NPL: variants seen among roughly 807,000 people sequenced by gnomAD.
The protein encoded by NPL is N-acetylneuraminate lyase.
Under a neutral mutation model 41.1 loss-of-function variants are expected in NPL, and 32 were observed. The ratio of observed to expected loss-of-function variants is 0.78; its 90% CI spans 0.59 to 1.05. The LOEUF (loss-of-function observed/expected upper bound fraction) is 1.05. Among genes scored for constraint, NPL ranks in the 50% least tolerant of loss-of-function variants. The pLI is 0.00. For missense variants in NPL, 321 were observed against 378.4 expected, an observed-to-expected ratio of 0.85 and a Z score of 1.26; for synonymous variants, 128 against 134.9, an observed-to-expected ratio of 0.95 and a Z score of 0.35.
intron 3 of NPL, among the ~76,000 whole-genome samples, chr1:182,794,774 C>T (rs1451174799): frequency 6.6e-6 from 1 of 152,214 alleles, no homozygotes; most frequent in Non-Finnish European, 1.5e-5. Context: ...GGGCCAGTAG[C>T]ATTGGATGAG....
chr1:182,827,979 A>T (rs1287520670), intron 12 of NPL, among the ~76,000 whole-genome samples: 1 of 152,208 alleles, frequency 6.6e-6, no homozygotes, highest in Non-Finnish European at 1.5e-5. Context: ...TAGTACCTAT[A>T]CTAAGTGTGT....
intron 4 of NPL, 53 bp downstream of exon 4, chr1:182,803,824 G>T: frequency 7.9e-7 from 1 of 1,268,638 alleles, no homozygotes; most frequent in Non-Finnish European, 1.2e-6. Context: ...TCTTTAGAAG[G>T]TATATCTTAC....
intron 10 of NPL, among the ~76,000 whole-genome samples, chr1:182,820,135 C>T (rs533249178): frequency 6.6e-6 from 1 of 152,354 alleles, no homozygotes; most frequent in South Asian, 2.1e-4. Context: ...CATCTCGGGA[C>T]ATCATTAGAT....
At chr1:182,812,435 C>G (rs2210836) in intron 6 of NPL, among the ~76,000 whole-genome samples, 12,355 of 152,140 alleles carry the variant, frequency 0.081, 1,348 homozygotes, top group African/African-American at 0.25. Context: ...AAGCACCTTC[C>G]TCCAAGGAGA....
In NPL at chr1:182,829,016, A is replaced by T; in HGVS notation, c.*108A>T. On this transcript the variant is annotated 3_prime_UTR_variant, in exon 13 of 13. Transcript: ENST00000367553. ...GAACTTGAATAAACTCTCCTAGCAAATGAAATCTCACAATAAGCATTGAGG... is the reference window on the plus strand; with the variant it reads ...GAACTTGAATAAACTCTCCTAGCAATTGAAATCTCACAATAAGCATTGAGG... 1 of 1,577,908 alleles carries T rather than the reference A, an allele frequency of 6.3e-7. No individual in the cohort carries two copies. The highest frequency in any genetic ancestry group is 8.6e-7 in the Non-Finnish European group (1 of 1,169,316).
chr1:182,802,596 C>CT (rs1273196261), intron 3 of NPL, among the ~76,000 whole-genome samples: 5 of 152,178 alleles, frequency 3.3e-5, no homozygotes, highest in East Asian at 1.9e-4. Context: ...AGCTAGCACT[C>CT]TGTGTTCTTG....
At chr1:182,822,078 G>A (rs771886251) in intron 10 of NPL, 37 bp from the exon 11 acceptor site, 1 of 1,307,638 alleles carries the variant, frequency 7.6e-7, no homozygotes, top group African/African-American at 1.5e-5. Flanking sequence ...TTCCTGTTGA[G>A]TTATTGAACC....
chr1:182,825,919 A>T (rs1462861354), intron 12 of NPL, 99 bp downstream of exon 12: 1 of 913,446 alleles, frequency 1.1e-6, no homozygotes, highest in Non-Finnish European at 1.8e-6. Context: ...ACACTTTTTA[A>T]TGGTCTGTTG....
chr1:182,804,788 A>G (rs1295807989), intron 4 of NPL, among the ~76,000 whole-genome samples: 1 of 152,138 alleles, frequency 6.6e-6, no homozygotes, highest in Non-Finnish European at 1.5e-5. Context: ...TGTGTGGAAA[A>G]AGTGTCCTGG....
At chr1:182,812,561 G>A (rs1667207329) in intron 6 of NPL, among the ~76,000 whole-genome samples, 2 of 152,178 alleles carry the variant, frequency 1.3e-5, no homozygotes. Flanking sequence ...AGGGACAAAG[G>A]ATAGAGTAAA....
rs575201445 is a variant in NPL, at chr1:182,793,120, TATTTTC to T, written c.-17+842_-17+847del. 2.6e-4 allele frequency among the ~76,000 whole-genome samples: 40 copies of T among 152,372 alleles called. No homozygotes were observed. In the East Asian group the frequency reaches 7.1e-3, roughly 27 times the overall value. On this transcript the variant is annotated intron_variant, in intron 2 of 12. Coordinates refer to ENST00000367553, the MANE Select transcript of NPL (RefSeq NM_030769.3). ...CATCAAATACTATCTGATTATATTT[TATTTTC>T]ATTTTCAATTGTTAGACATTAAATT...
At chr1:182,800,293 G>T (rs976551483) in intron 3 of NPL, among the ~76,000 whole-genome samples, 16 of 151,878 alleles carry the variant, frequency 1.1e-4, no homozygotes, top group African/African-American at 3.9e-4. Context: ...AAAATTAGCT[G>T]GGCGTTGTGG....
chr1:182,818,922 G>T, intron 10 of NPL, 63 bp downstream of exon 10: 2 of 1,353,336 alleles, frequency 1.5e-6, no homozygotes, highest in Non-Finnish European at 2.1e-6. Flanking sequence ...CATCACCAAA[G>T]TAGCTGTATT....
intron 2 of NPL, among the ~76,000 whole-genome samples, chr1:182,792,529 G>C (rs1288390055): frequency 6.6e-6 from 1 of 152,040 alleles, no homozygotes; most frequent in Non-Finnish European, 1.5e-5. Flanking sequence ...AGGCTAAGTG[G>C]CCTGCTTATT....
At position 182,828,596 on chromosome 1, in the gene NPL, T is replaced by C; in HGVS notation, c.779-128T>C. ...TCATCTGTCATATTGACTAGAAATG[T>C]TCCCATCTTTTGTTTTAATCTTACC... On this transcript the variant is annotated intron_variant, in intron 12 of 12. Transcript: ENST00000367553. This position sits in a 1 kb window ranked among gnomAD's most constrained non-coding sequence, Gnocchi z 4.0. The C allele has an allele frequency of 8.6e-7, 1 of 1,163,584 alleles. No homozygotes were observed. Among genetic ancestry groups the C allele is most frequent in the Non-Finnish European group, 1.3e-6 (1 of 796,820 alleles). 72.1% of individuals were successfully genotyped at this position (1,163,584 alleles called of 1,614,324 possible).
chr1:182,794,323 A>G (rs777140999), intron 2 of NPL, 33 bp from the exon 3 acceptor site: 4 of 1,567,656 alleles, frequency 2.6e-6, no homozygotes, highest in Non-Finnish European at 3.5e-6. Flanking sequence ...CATTCCTTGA[A>G]GAAAGAGAGA....
chr1:182,817,965 C>T (rs1036201201), intron 8 of NPL, among the ~76,000 whole-genome samples: 1 of 152,112 alleles, frequency 6.6e-6, no homozygotes, highest in Non-Finnish European at 1.5e-5. Flanking sequence ...ATCTTTAGCC[C>T]GGCTTTCCTC....
intron 3 of NPL, among the ~76,000 whole-genome samples, chr1:182,800,837 C>CAGGA (rs1479745698): frequency 6.6e-6 from 1 of 150,874 alleles, no homozygotes; most frequent in Non-Finnish European, 1.5e-5. Flanking sequence ...TCAAGCAATC[C>CAGGA]TGCCTCAGCA....
At chr1:182,807,177 T>C (rs994811844) in intron 5 of NPL, among the ~76,000 whole-genome samples, 4 of 152,112 alleles carry the variant, frequency 2.6e-5, no homozygotes, top group African/African-American at 9.7e-5. Context: ...GTGTTATATG[T>C]TATGTACTGT....
Sources: gnomAD v4.1 joint callset for allele counts (sites outside exome capture counted in the v4.1 genomes callset) on GRCh38, gnomAD v4.1.1 for gene constraint, Gnocchi (gnomAD v3.1) non-coding constraint, MANE v1.5 for transcripts, NCBI Gene and HGNC (gene_info 2026-07-23, HGNC 2026-07-21) for gene names.